PRELID2: variants seen among roughly 807,000 people sequenced by gnomAD.
PRELID2 encodes the protein PRELI domain-containing protein 2.
Under a neutral mutation model 28.4 loss-of-function variants are expected in PRELID2, and 25 were observed. The ratio of observed to expected loss-of-function variants is 0.88; its 90% CI spans 0.64 to 1.23. The LOEUF (loss-of-function observed/expected upper bound fraction) is 1.23, where lower values mean the gene tolerates loss of function less well. Among genes scored for constraint, PRELID2 ranks in the 50% most tolerant of loss-of-function variants. PRELID2 has a pLI of 0.00. For missense variants in PRELID2, 201 were observed against 214.4 expected, an observed-to-expected ratio of 0.94 and a Z score of 0.39; for synonymous variants, 76 against 71.6, an observed-to-expected ratio of 1.06 and a Z score of -0.31.
At chr5:145,380,095 C>A in the PRELID2 span, among the ~76,000 whole-genome samples, 64 of 152,324 alleles carry the variant, frequency 4.2e-4, no homozygotes, top group African/African-American at 1.4e-3. Flanking sequence ...ACATCAGCTG[C>A]CTTGCTGCCC....
intron 1 of PRELID2, among the ~76,000 whole-genome samples, chr5:145,613,102 G>T (rs186017156): frequency 3.3e-5 from 5 of 152,014 alleles, no homozygotes; most frequent in Non-Finnish European, 5.9e-5. Context: ...ATCACTGAAA[G>T]GTACAAGTGT....
At chr5:145,303,744 C>A in the PRELID2 span, among the ~76,000 whole-genome samples, 3 of 152,188 alleles carry the variant, frequency 2.0e-5, no homozygotes, top group Admixed American at 2.0e-4. Context: ...AGTATAACAG[C>A]ACCAAGTTGA....
At chr5:145,655,184 A>G (rs984260057) in intron 1 of PRELID2, among the ~76,000 whole-genome samples, 1 of 151,908 alleles carries the variant, frequency 6.6e-6, no homozygotes, top group African/African-American at 2.4e-5. Flanking sequence ...TAGGAATCCA[A>G]CTTACAAGGG....
the PRELID2 span, among the ~76,000 whole-genome samples, chr5:145,251,831 C>A: frequency 6.6e-6 from 1 of 152,022 alleles, no homozygotes; most frequent in Non-Finnish European, 1.5e-5. Context: ...GGCCTGGGAG[C>A]CTGGCCTCTG....
chr5:145,629,467 C>G (rs927575601), intron 1 of PRELID2, among the ~76,000 whole-genome samples: 3 of 152,210 alleles, frequency 2.0e-5, no homozygotes, highest in Non-Finnish European at 4.4e-5. Context: ...GAGGAGCATG[C>G]CTGCCTGTGG....
At chr5:145,638,640 T>C (rs1398151303) in intron 1 of PRELID2, among the ~76,000 whole-genome samples, 1 of 152,178 alleles carries the variant, frequency 6.6e-6, no homozygotes, top group Non-Finnish European at 1.5e-5. Context: ...TTCAAGTACA[T>C]GAATGTTTCC....
Position 145,611,478 on chromosome 5 carries a change from T to G in PRELID2, n.71-138163A>C, listed in dbSNP as rs144056148. The stretch of plus-strand genomic sequence containing the variant: ...CACAACCAGCCTCAAATTTTAAAAA[T>G]TACTTGCAATACCATAACCCAGCAA... On this transcript the variant is annotated intron_variant and non_coding_transcript_variant, in intron 1 of 2. Coordinates refer to the PRELID2 transcript ENST00000510259. 1.3e-3 allele frequency among the ~76,000 whole-genome samples: 196 copies of G among 152,222 alleles called. 2 individuals carry two copies. The highest frequency in any genetic ancestry group is 4.6e-3 in the African/African-American group (192 of 41,540).
Position 145,821,152 on chromosome 5 carries a change from G to GGTGTGTGTGTGTGTGTGTGTGTGGTGTGT in PRELID2, c.134-1135_134-1134insACACACCACACACACACACACACACACAC, listed in dbSNP as rs1754766988. Among the ~76,000 whole-genome samples, 8 of 88,192 alleles carry GGTGTGTGTGTGTGTGTGTGTGTGGTGTGT rather than the reference G, an allele frequency of 9.1e-5. No individual in the cohort carries two copies. In the East Asian group the frequency reaches 2.2e-3, roughly 25 times the overall value. 57.9% of individuals were successfully genotyped at this position (88,192 alleles called of 152,430 possible). A position where few individuals can be genotyped will look rare whatever the true frequency, so the allele number is the denominator to read the frequency against. On this transcript the variant is annotated intron_variant, in intron 2 of 6. Coordinates refer to ENST00000683046, the MANE Select transcript of PRELID2 (RefSeq NM_205846.3). The stretch of plus-strand genomic sequence containing the variant: ...ACCTGATGGTCATCCAACTCTCCTG[G>GGTGTGTGTGTGTGTGTGTGTGTGGTGTGT]GTGTGTGTGTGTGTGTGTGTGTGTG...
the PRELID2 span, among the ~76,000 whole-genome samples, chr5:145,458,489 T>C: frequency 6.6e-6 from 1 of 152,146 alleles, no homozygotes; most frequent in Non-Finnish European, 1.5e-5. Flanking sequence ...CTGGGTGCAA[T>C]TTTGCTCACA....
chr5:145,403,348 G>A, the PRELID2 span, among the ~76,000 whole-genome samples: 6 of 151,994 alleles, frequency 3.9e-5, no homozygotes, highest in Admixed American at 1.3e-4. Context: ...GGCCAGCCTG[G>A]GCAACATAGT....
chr5:145,764,917 CT>C lies in PRELID2; in HGVS notation c.*10+13del. 1 of 1,595,704 alleles carries C rather than the reference CT, an allele frequency of 6.3e-7. No homozygotes were observed. Among genetic ancestry groups the C allele is most frequent in the Non-Finnish European group, 8.6e-7 (1 of 1,164,096 alleles). On this transcript the variant is annotated intron_variant, in intron 6 of 6. Transcript: ENST00000683046. Reference sequence around the variant, plus strand: ...GCTTGTGTAAATAATTCTGACTTTGCTTTTGGTACTCACTGATGATTCTTTA... The same window carrying C: ...GCTTGTGTAAATAATTCTGACTTTGCTTTGGTACTCACTGATGATTCTTTA...
intron 1 of PRELID2, among the ~76,000 whole-genome samples, chr5:145,669,114 C>G (rs1754654064): frequency 6.6e-6 from 1 of 152,090 alleles, no homozygotes; most frequent in Non-Finnish European, 1.5e-5. Flanking sequence ...AAACCAATTA[C>G]TTAGGAAAAG....
the PRELID2 span, among the ~76,000 whole-genome samples, chr5:145,362,883 T>C: frequency 2.6e-5 from 4 of 152,072 alleles, no homozygotes; most frequent in Non-Finnish European, 4.4e-5. Context: ...AAAACCCATA[T>C]ATATGGTAGA....
intron 1 of PRELID2, among the ~76,000 whole-genome samples, chr5:145,700,926 G>C (rs939843541): frequency 2.0e-5 from 3 of 152,136 alleles, no homozygotes; most frequent in African/African-American, 7.2e-5. Context: ...TCTCAGGCCA[G>C]CATGCCATAG....
chr5:145,710,128 T>C (rs1268057707), intron 1 of PRELID2, among the ~76,000 whole-genome samples: 4 of 152,212 alleles, frequency 2.6e-5, no homozygotes, highest in Non-Finnish European at 4.4e-5. Flanking sequence ...GTAGGTACTA[T>C]TAATTTTTCC....
At chr5:145,372,533 T>C in the PRELID2 span, among the ~76,000 whole-genome samples, 2 of 152,058 alleles carry the variant, frequency 1.3e-5, no homozygotes, top group African/African-American at 4.8e-5. Flanking sequence ...GGTGCTCTTG[T>C]ATTGGGTGCA....
chr5:145,296,317 A>G, the PRELID2 span, among the ~76,000 whole-genome samples: 2 of 150,180 alleles, frequency 1.3e-5, no homozygotes, highest in Non-Finnish European at 3.0e-5. Context: ...CATTAGGTAT[A>G]TCTCCTAAAG....
chr5:145,708,623 C>T (rs945860789), intron 1 of PRELID2, among the ~76,000 whole-genome samples: 1 of 152,136 alleles, frequency 6.6e-6, no homozygotes, highest in East Asian at 1.9e-4. Context: ...CTATTCTCTA[C>T]ATTTGCATTG....
At chr5:145,283,736 T>C in the PRELID2 span, among the ~76,000 whole-genome samples, 5 of 152,188 alleles carry the variant, frequency 3.3e-5, no homozygotes, top group African/African-American at 1.2e-4. Context: ...CTTAATTCTT[T>C]ATGATGAGTA....
Sources: gnomAD v4.1 joint callset for allele counts (sites outside exome capture counted in the v4.1 genomes callset) on GRCh38, gnomAD v4.1.1 for gene constraint, MANE v1.5 for transcripts, NCBI Gene and HGNC (gene_info 2026-07-23, HGNC 2026-07-21) for gene names.